The following DNAJC5B variants were observed in gnomAD, a reference collection of about 807,000 sequenced individuals.
The protein encoded by DNAJC5B is DnaJ heat shock protein family (Hsp40) member C5 beta.
Under a neutral mutation model 24.7 loss-of-function variants are expected in DNAJC5B, and 23 were observed. The observed-to-expected ratio is 0.93, with a 90% CI of 0.67 to 1.32. DNAJC5B has a LOEUF of 1.32. DNAJC5B is among the 40% of genes most tolerant of loss of function. The pLI is 0.00. For missense variants in DNAJC5B, 238 were observed against 240.8 expected (o/e 0.99, Z 0.08); for synonymous variants, 101 against 90.1 (o/e 1.12, Z -0.68).
intron 2 of DNAJC5B, among the ~76,000 whole-genome samples, chr8:66,044,983 T>G: frequency 6.6e-6 from 1 of 152,348 alleles, no homozygotes; most frequent in Middle Eastern, 3.4e-3. Flanking sequence ...AGATTTTATG[T>G]TATTATGTTC....
At chr8:66,085,139 C>T (rs948678405) in intron 5 of DNAJC5B, among the ~76,000 whole-genome samples, 13 of 152,008 alleles carry the variant, frequency 8.6e-5, no homozygotes, top group Non-Finnish European at 2.9e-5. Context: ...TCCATCTTTG[C>T]CAAAAATCAA....
chr8:66,063,561 G>A (rs1026461028), intron 3 of DNAJC5B, among the ~76,000 whole-genome samples: 25 of 152,294 alleles, frequency 1.6e-4, no homozygotes, highest in Middle Eastern at 6.8e-3. Flanking sequence ...AGCCCACTTG[G>A]AAGAGTTGTC....
intron 5 of DNAJC5B, among the ~76,000 whole-genome samples, chr8:66,088,852 C>T (rs1018356221): frequency 2.0e-5 from 3 of 152,156 alleles, no homozygotes; most frequent in African/African-American, 7.2e-5. Context: ...TTGGTCAAAG[C>T]CATTCAACAA....
At chr8:66,053,198 A>G (rs1806889205) in intron 3 of DNAJC5B, among the ~76,000 whole-genome samples, 1 of 152,158 alleles carries the variant, frequency 6.6e-6, no homozygotes, top group African/African-American at 2.4e-5. Context: ...TGGCCACCCA[A>G]AGTGCCAGGA....
chr8:66,015,467 A>G, the DNAJC5B span, among the ~76,000 whole-genome samples: 1 of 151,686 alleles, frequency 6.6e-6, no homozygotes, highest in Non-Finnish European at 1.5e-5. Context: ...TGTTGGGGAG[A>G]GCGGCTTGGG....
In DNAJC5B at chr8:66,075,375, T is replaced by TG. The variant is rs11334241; in HGVS notation, c.120-1277dup. On this transcript the variant is annotated intron_variant, in intron 3 of 5. Coordinates refer to ENST00000276570, the MANE Select transcript of DNAJC5B (RefSeq NM_033105.6). ...CCTAGACATGATATCTTTGGAACCA[T>TG]GGGGGGGGAAATGCTGCAATTCCTA... 8.6e-4 allele frequency among the ~76,000 whole-genome samples: 131 copies of TG among 151,656 alleles called. 1 individual carries two copies. Among genetic ancestry groups the TG allele is most frequent in the Middle Eastern group, 3.4e-3 (1 of 294 alleles).
At chr8:66,050,115 C>G (rs990705631) in intron 2 of DNAJC5B, among the ~76,000 whole-genome samples, 1 of 152,100 alleles carries the variant, frequency 6.6e-6, no homozygotes, top group Non-Finnish European at 1.5e-5. Flanking sequence ...TATTCTTTCC[C>G]AAGTACCCAG....
At chr8:66,096,632 C>T (rs995992621) in intron 5 of DNAJC5B, among the ~76,000 whole-genome samples, 2 of 152,064 alleles carry the variant, frequency 1.3e-5, no homozygotes, top group African/African-American at 2.4e-5. Context: ...ACTTCTAGCC[C>T]CAGAAATGCT....
In DNAJC5B at chr8:66,048,006, C is replaced by T. The variant is rs114893308; in HGVS notation, c.-17-3525C>T. Among the ~76,000 whole-genome samples, 963 of 152,260 alleles carry T rather than the reference C, an allele frequency of 6.3e-3. 9 individuals carry two copies. The highest frequency in any genetic ancestry group is 0.022 in the African/African-American group (912 of 41,532). The stretch of plus-strand genomic sequence containing the variant: ...GAGTTGCAGAGAAGAGCTTTAGTGT[C>T]CACCCTTTATCACCATTATCTCCAT... On this transcript the variant is annotated intron_variant, in intron 2 of 5. Coordinates refer to ENST00000276570, the MANE Select transcript of DNAJC5B (RefSeq NM_033105.6).
chr8:66,061,554 A>T (rs1807080458), intron 3 of DNAJC5B, among the ~76,000 whole-genome samples: 1 of 151,848 alleles, frequency 6.6e-6, no homozygotes, highest in South Asian at 2.1e-4. Flanking sequence ...GTGACGTGCC[A>T]AGAAGTGTTG....
At chr8:66,060,415 G>T (rs1169112459) in intron 3 of DNAJC5B, among the ~76,000 whole-genome samples, 1 of 152,192 alleles carries the variant, frequency 6.6e-6, no homozygotes, top group Non-Finnish European at 1.5e-5. Context: ...AGCCTCTTCA[G>T]CTCTCTGGGA....
chr8:66,076,802 C>G lies in DNAJC5B; in HGVS notation c.262C>G (p.Leu88Val), dbSNP rs140691668. ...SIYDKYGSLGLYVAEQFGDEN... is the reference protein window; with the variant it reads ...SIYDKYGSLGVYVAEQFGDEN... ...ATACGACAAGTACGGATCGCTGGGA[C>G]TCTACGTGGCCGAGCAGTTTGGAGA... The change falls in exon 4 of 6, where the codon CTC becomes GTC. Residue 88 changes from leucine to valine, a missense_variant. Leu to Val is a conservative substitution (Grantham distance 32). Coordinates refer to ENST00000276570, the MANE Select transcript of DNAJC5B (RefSeq NM_033105.6). 2.4e-5 allele frequency: 39 copies of G among 1,614,170 alleles called. No homozygotes were observed. In the African/African-American group the frequency reaches 3.6e-4, roughly 15 times the overall value.
At chr8:66,062,490 C>G (rs1470140821) in intron 3 of DNAJC5B, among the ~76,000 whole-genome samples, 1 of 152,186 alleles carries the variant, frequency 6.6e-6, no homozygotes, top group African/African-American at 2.4e-5. Context: ...GTAACATAAA[C>G]ATTGGTTTTT....
At chr8:66,045,614 T>C (rs1806706144) in intron 2 of DNAJC5B, among the ~76,000 whole-genome samples, 1 of 151,812 alleles carries the variant, frequency 6.6e-6, no homozygotes, top group Non-Finnish European at 1.5e-5. Flanking sequence ...AGCAAAGGCC[T>C]GGGGCAGAGA....
chr8:66,023,232 C>G (rs1474104586), intron 1 of DNAJC5B, among the ~76,000 whole-genome samples: 1 of 152,154 alleles, frequency 6.6e-6, no homozygotes, highest in African/African-American at 2.4e-5. Flanking sequence ...TACACTCTGC[C>G]CCACAATGAA....
rs1806147970 is a variant in DNAJC5B at position 66,022,299 on chromosome 8, T to C, written c.-142+594T>C. On this transcript the variant is annotated intron_variant, in intron 1 of 5. Transcript: ENST00000276570. ...GGGGTTTTGGCTTCTACAATACTTGTTTCTTCCTGGAGTCTTGGGGCCCTG... is the reference window on the plus strand; with the variant it reads ...GGGGTTTTGGCTTCTACAATACTTGCTTCTTCCTGGAGTCTTGGGGCCCTG... Among the ~76,000 whole-genome samples, 4 of 152,306 alleles carry C rather than the reference T, an allele frequency of 2.6e-5. 1 individual carries two copies. In the South Asian group the frequency reaches 8.3e-4, roughly 32 times the overall value.
chr8:66,068,293 A>G (rs1807267943), intron 3 of DNAJC5B, among the ~76,000 whole-genome samples: 1 of 152,176 alleles, frequency 6.6e-6, no homozygotes, highest in African/African-American at 2.4e-5. Context: ...ACTATCTATG[A>G]CCAAGAAGAT....
At chr8:66,051,172 A>T (rs1261798278) in intron 2 of DNAJC5B, among the ~76,000 whole-genome samples, 2 of 152,240 alleles carry the variant, frequency 1.3e-5, no homozygotes, top group African/African-American at 4.8e-5. Context: ...AAAATATATG[A>T]AAAAGAAGTT....
At chr8:66,055,331 G>T (rs1055147043) in intron 3 of DNAJC5B, among the ~76,000 whole-genome samples, 88 of 152,050 alleles carry the variant, frequency 5.8e-4, no homozygotes, top group African/African-American at 2.0e-3. Context: ...TATATTGTAG[G>T]ATCTGGATCA....
Sources: allele counts gnomAD v4.1 joint callset (sites outside exome capture counted in the v4.1 genomes callset), GRCh38; gene constraint gnomAD v4.1.1; transcripts MANE v1.5; gene names NCBI Gene and HGNC (gene_info 2026-07-23, HGNC 2026-07-21).